NCOA3: variants seen among roughly 807,000 people sequenced by gnomAD.
NCOA3 encodes the protein nuclear receptor coactivator 3, also known as CBP-interacting protein.
Under a neutral mutation model 158.8 loss-of-function variants are expected in NCOA3, and 51 were observed. The observed-to-expected ratio is 0.32, with a 90% CI of 0.26 to 0.41. The LOEUF (loss-of-function observed/expected upper bound fraction) is 0.41, where lower values mean the gene tolerates loss of function less well. NCOA3 is among the 10% of genes least tolerant of loss of function. The probability of loss-of-function intolerance (pLI) is 1.00; values close to 1 mark genes in which losing one functional copy is unlikely to be tolerated. For missense variants in NCOA3, 1,510 were observed against 1,746.6 expected (o/e 0.86, Z 2.41); for synonymous variants, 537 against 592.4 (o/e 0.91, Z 1.36).
chr20:47,613,639 G>T (rs564237568), intron 2 of NCOA3, among the ~76,000 whole-genome samples: 1 of 152,146 alleles, frequency 6.6e-6, no homozygotes, highest in African/African-American at 2.4e-5. Flanking sequence ...TAGGCCAGGC[G>T]CGGCGGCTCA....
At chr20:47,577,013 G>T (rs2085382845) in intron 1 of NCOA3, among the ~76,000 whole-genome samples, 1 of 152,188 alleles carries the variant, frequency 6.6e-6, no homozygotes, top group Non-Finnish European at 1.5e-5. Context: ...CTCAGCCAAA[G>T]ATATCAGGCC....
intron 1 of NCOA3, among the ~76,000 whole-genome samples, chr20:47,504,951 G>T (rs1188603096): frequency 7.7e-6 from 1 of 130,520 alleles, no homozygotes; most frequent in Non-Finnish European, 1.5e-5. Flanking sequence ...TAAAAACTCT[G>T]CTATTGTCCT....
chr20:47,550,349 C>T (rs2084909428), intron 1 of NCOA3, among the ~76,000 whole-genome samples: 1 of 147,796 alleles, frequency 6.8e-6, no homozygotes, highest in Non-Finnish European at 1.5e-5. Flanking sequence ...GAGGCTGAGG[C>T]AGGAGAATTG....
intron 1 of NCOA3, among the ~76,000 whole-genome samples, chr20:47,525,447 G>A (rs1207596309): frequency 1.5e-4 from 22 of 150,766 alleles, no homozygotes; most frequent in Non-Finnish European, 2.4e-4. Flanking sequence ...TGAGCTGTTG[G>A]GTACACCTCC....
rs1347439690 is a variant in NCOA3 at position 47,651,072 on chromosome 20, C to G, written c.3742C>G (p.Gln1248Glu). 8.0e-6 allele frequency: 10 copies of G among 1,252,812 alleles called. No individual in the cohort carries two copies. Among genetic ancestry groups the G allele is most frequent in the Non-Finnish European group, 1.1e-5 (10 of 899,300 alleles). The allele number at this position is 1,252,812 out of a possible 1,614,324, so 77.6% of individuals were successfully genotyped here. Residue 1248 changes from glutamine (Q) to glutamate (E), a missense_variant, in exon 20 of 23, where the codon CAG becomes GAG. By Grantham distance (29) the Gln-to-Glu change is conservative. Coordinates refer to ENST00000371998, the MANE Select transcript of NCOA3 (RefSeq NM_181659.3). Reference protein sequence around the residue: ...FRQQRVAMMMQQQQQQQQQQQ... With the variant: ...FRQQRVAMMMEQQQQQQQQQQ... ...ACAACAGAGGGTGGCTATGATGATG[C>G]AGCAGCAGCAGCAGCAGCAACAGCA... is the stretch of plus-strand genomic sequence containing the variant.
At chr20:47,638,538 G>GT (rs947960381) in intron 13 of NCOA3, among the ~76,000 whole-genome samples, 15 of 152,114 alleles carry the variant, frequency 9.9e-5, no homozygotes, top group Non-Finnish European at 1.5e-4. Context: ...TCAATTAAGA[G>GT]TGGGGGGGAA....
chr20:47,540,168 G>C (rs903243946), intron 1 of NCOA3, among the ~76,000 whole-genome samples: 17 of 152,076 alleles, frequency 1.1e-4, no homozygotes, highest in African/African-American at 4.1e-4. Context: ...ATAGTACATT[G>C]GCCTGTATGT....
At chr20:47,525,916 G>A (rs1253239027) in intron 1 of NCOA3, among the ~76,000 whole-genome samples, 7 of 143,964 alleles carry the variant, frequency 4.9e-5, no homozygotes, top group African/African-American at 1.0e-4. Context: ...CCTCCCGGAT[G>A]GGGCGGCTGG....
At chr20:47,552,281 A>T (rs370202208) in intron 1 of NCOA3, among the ~76,000 whole-genome samples, 4 of 152,222 alleles carry the variant, frequency 2.6e-5, no homozygotes, top group Non-Finnish European at 4.4e-5. Context: ...AGGCCAATGG[A>T]AAATCTATAA....
chr20:47,613,651 G>A (rs907683254), intron 2 of NCOA3, among the ~76,000 whole-genome samples: 13 of 152,140 alleles, frequency 8.5e-5, no homozygotes, highest in African/African-American at 2.7e-4. Context: ...GGCGGCTCAC[G>A]CCTGTAATCC....
At chr20:47,627,820 GT>G in intron 7 of NCOA3, 71 bp downstream of exon 7, 1 of 1,581,644 alleles carries the variant, frequency 6.3e-7, no homozygotes, top group Admixed American at 1.7e-5. Flanking sequence ...TGAAACTTGT[GT>G]TGTAACCCTT....
intron 3 of NCOA3, among the ~76,000 whole-genome samples, chr20:47,623,644 C>T (rs896696523): frequency 6.6e-6 from 1 of 152,092 alleles, no homozygotes; most frequent in Non-Finnish European, 1.5e-5. Flanking sequence ...AAAAATAAGC[C>T]AGGCGTGGTG....
At chr20:47,504,325 A>C (rs1223408319) in intron 1 of NCOA3, among the ~76,000 whole-genome samples, 1 of 152,194 alleles carries the variant, frequency 6.6e-6, no homozygotes, top group Non-Finnish European at 1.5e-5. Flanking sequence ...TTCAGTAAGG[A>C]GTGAAGTACT....
At chr20:47,600,110 T>TG (rs2085832889) in intron 2 of NCOA3, among the ~76,000 whole-genome samples, 72 of 143,080 alleles carry the variant, frequency 5.0e-4, no homozygotes, top group African/African-American at 1.8e-3. Flanking sequence ...CTCACTTCCT[T>TG]TGTGTGTGTG....
chr20:47,630,924 T>C (rs1178786019), intron 8 of NCOA3: 1 of 152,338 alleles, frequency 6.6e-6, no homozygotes, highest in Non-Finnish European at 1.5e-5. Context: ...AGTCTGATTA[T>C]TGCATTTCTT....
At chr20:47,579,222 C>T (rs760826473) in intron 1 of NCOA3, among the ~76,000 whole-genome samples, 48 of 152,228 alleles carry the variant, frequency 3.2e-4, no homozygotes, top group Admixed American at 1.3e-3. Context: ...CTTCCTGCCT[C>T]AGCCTCCTGA....
intron 1 of NCOA3, among the ~76,000 whole-genome samples, chr20:47,511,558 T>TATATATATATATACACA (rs1569310957): frequency 3.1e-5 from 1 of 31,920 alleles, no homozygotes; most frequent in Non-Finnish European, 1.0e-4. Context: ...TATATATATT[T>TATATATATATATACACA]CTTTTTTTTT....
At chr20:47,622,841 C>A (rs368944294) in intron 3 of NCOA3, 2 of 152,256 alleles carry the variant, frequency 1.3e-5, no homozygotes, top group African/African-American at 4.8e-5. Flanking sequence ...TTACAAAGAA[C>A]CTTCTTAAGG....
chr20:47,637,523 TATC>T (rs1417693755), intron 12 of NCOA3, 122 bp from the exon 13 acceptor site: 8 of 683,472 alleles, frequency 1.2e-5, no homozygotes, highest in Non-Finnish European at 1.8e-5. Context: ...AGGTGGGTAT[TATC>T]ATTGTAGGTA....
Sources: gnomAD v4.1 joint callset for allele counts (sites outside exome capture counted in the v4.1 genomes callset) on GRCh38, gnomAD v4.1.1 for gene constraint, MANE v1.5 for transcripts, NCBI Gene and HGNC (gene_info 2026-07-23, HGNC 2026-07-21) for gene names.